RGS8: variants seen among roughly 807,000 people sequenced by gnomAD.
RGS8 encodes the protein regulator of G protein signaling 8.
A neutral mutation model predicts 21.7 loss-of-function variants in RGS8; 8 were observed. The ratio of observed to expected loss-of-function variants is 0.37; its 90% CI spans 0.22 to 0.66. The LOEUF is 0.66. Ranked by LOEUF, RGS8 falls within the 30% of genes least tolerant of loss-of-function variation. The pLI, the probability that RGS8 is intolerant of heterozygous loss-of-function variation, is 0.59. For missense variants in RGS8, 157 were observed against 217.9 expected, an observed-to-expected ratio of 0.72 and a Z score of 1.76; for synonymous variants, 80 against 83.6, an observed-to-expected ratio of 0.96 and a Z score of 0.24.
upstream of RGS8, among the ~76,000 whole-genome samples, chr1:182,674,177 C>T (rs1026456249): frequency 1.3e-5 from 2 of 152,194 alleles, no homozygotes; most frequent in East Asian, 1.9e-4. Context: ...CCAAATCTCA[C>T]GCTGCCCCGG....
chr1:182,712,717 CA>C, the RGS8 span: 3 of 152,150 alleles, frequency 2.0e-5, no homozygotes, highest in Non-Finnish European at 2.9e-5. Context: ...TTAAAACCTG[CA>C]CAAAAAGTTG....
the RGS8 span, among the ~76,000 whole-genome samples, chr1:182,738,604 C>T: frequency 4.6e-5 from 7 of 152,266 alleles, no homozygotes; most frequent in South Asian, 1.5e-3. Flanking sequence ...GCCAGGTATA[C>T]TCTGGGTACC....
At chr1:182,644,364 C>T (rs1408668526), downstream of RGS8, 1 of 152,224 alleles carries the variant, frequency 6.6e-6, no homozygotes, top group Non-Finnish European at 1.5e-5. Context: ...CAGAGACACT[C>T]CACAGGAGTA....
the RGS8 span, among the ~76,000 whole-genome samples, chr1:182,713,514 T>C: frequency 6.6e-6 from 1 of 152,160 alleles, no homozygotes; most frequent in African/African-American, 2.4e-5. Context: ...GTCCCATAGA[T>C]TGCACTGGCA....
At chr1:182,656,253 C>T (rs927781166) in intron 5 of RGS8, among the ~76,000 whole-genome samples, 3 of 152,216 alleles carry the variant, frequency 2.0e-5, no homozygotes, top group Non-Finnish European at 2.9e-5. Context: ...CCTCTGGTGA[C>T]AGCTGGCAGG....
chr1:182,731,315 C>T, the RGS8 span, among the ~76,000 whole-genome samples: 1 of 152,202 alleles, frequency 6.6e-6, no homozygotes, highest in African/African-American at 2.4e-5. Context: ...CAGTGTGCTG[C>T]TTGTTGGTTG....
intron 5 of RGS8, among the ~76,000 whole-genome samples, chr1:182,650,640 T>C (rs1662963823): frequency 6.6e-6 from 1 of 152,178 alleles, no homozygotes; most frequent in East Asian, 1.9e-4. Flanking sequence ...GTGAACAGAC[T>C]GCTTGAGCCC....
At chr1:182,721,846 C>T in the RGS8 span, among the ~76,000 whole-genome samples, 1 of 152,182 alleles carries the variant, frequency 6.6e-6, no homozygotes, top group African/African-American at 2.4e-5. Flanking sequence ...GAGTCAGAAG[C>T]TAGTCTATGG....
At chr1:182,644,583 G>A (rs939427469), downstream of RGS8, 1 of 152,190 alleles carries the variant, frequency 6.6e-6, no homozygotes, top group Non-Finnish European at 1.5e-5. Context: ...GCCATCGCAC[G>A]ACACTCTTGT....
chr1:182,680,458 C>T (rs924409714), intron 1 of RGS8, among the ~76,000 whole-genome samples: 11 of 152,152 alleles, frequency 7.2e-5, no homozygotes, highest in African/African-American at 1.7e-4. Flanking sequence ...CACTTCAGGA[C>T]GACTTCTCCA....
chr1:182,656,324 A>T (rs1663276098), intron 5 of RGS8, among the ~76,000 whole-genome samples: 1 of 152,124 alleles, frequency 6.6e-6, no homozygotes. Flanking sequence ...CACATACCAC[A>T]GCCCAGCAAG....
chr1:182,707,585 G>A, the RGS8 span, among the ~76,000 whole-genome samples: 6 of 152,174 alleles, frequency 3.9e-5, no homozygotes, highest in Non-Finnish European at 8.8e-5. Flanking sequence ...GATCTTTATG[G>A]TTTGGCCAGG....
upstream of RGS8, chr1:182,672,011 C>A: frequency 9.9e-7 from 1 of 1,005,924 alleles, no homozygotes; most frequent in Non-Finnish European, 1.3e-6. Flanking sequence ...AGAAGGTGCC[C>A]CTGAGCTGAG....
At chr1:182,710,793 A>G in the RGS8 span, among the ~76,000 whole-genome samples, 1 of 152,170 alleles carries the variant, frequency 6.6e-6, no homozygotes, top group Non-Finnish European at 1.5e-5. Context: ...AGGACCTGAA[A>G]ATGTAGGTAG....
In RGS8 at chr1:182,682,961, T is replaced by A. The variant is rs1397355267; in HGVS notation, n.221+1395A>T. Among the ~76,000 whole-genome samples, 3 of 152,346 alleles carry A rather than the reference T, an allele frequency of 2.0e-5. No homozygotes were observed. The South Asian group carries it at 6.2e-4, about 32-fold the overall frequency. On this transcript the variant is annotated intron_variant and non_coding_transcript_variant, in intron 1 of 4. Transcript: ENST00000515211. ...CACGGGAGAAAGACCTTCACCTAAC[T>A]GGCATGTTTCATTCACCTGGACAAG...
the RGS8 span, among the ~76,000 whole-genome samples, chr1:182,725,833 G>T: frequency 6.6e-6 from 1 of 152,188 alleles, no homozygotes; most frequent in Non-Finnish European, 1.5e-5. Flanking sequence ...ACAGGCAAAC[G>T]AAAGATATAT....
At chr1:182,694,628 G>A in the RGS8 span, among the ~76,000 whole-genome samples, 2 of 152,062 alleles carry the variant, frequency 1.3e-5, no homozygotes, top group Non-Finnish European at 2.9e-5. Context: ...CCAACATGGT[G>A]AAACCCTGTC....
chr1:182,689,336 A>T (rs1664775559), upstream of RGS8, among the ~76,000 whole-genome samples: 1 of 151,800 alleles, frequency 6.6e-6, no homozygotes, highest in African/African-American at 2.4e-5. Flanking sequence ...GCTCAATCTT[A>T]AATAATTTAT....
At chr1:182,693,199 G>A in the RGS8 span, among the ~76,000 whole-genome samples, 1 of 152,122 alleles carries the variant, frequency 6.6e-6, no homozygotes, top group Admixed American at 6.5e-5. Flanking sequence ...ATAAAGAATG[G>A]GAGAAAATAT....
Sources: gnomAD v4.1 joint callset for allele counts (sites outside exome capture counted in the v4.1 genomes callset) on GRCh38, gnomAD v4.1.1 for gene constraint, MANE v1.5 for transcripts, NCBI Gene and HGNC (gene_info 2026-07-23, HGNC 2026-07-21) for gene names.